MAST4: variants seen among roughly 807,000 people sequenced by gnomAD.
MAST4 encodes microtubule associated serine/threonine kinase family member 4.
A neutral mutation model predicts 162.7 loss-of-function variants in MAST4; 89 were observed. The observed-to-expected ratio is 0.55, with a 90% CI of 0.46 to 0.65. MAST4 has a LOEUF of 0.65. MAST4 is among the 30% of genes least tolerant of loss of function. The pLI, the probability that MAST4 is intolerant of heterozygous loss-of-function variation, is 0.00. For synonymous variants in MAST4, 1,479 were observed against 1,361.1 expected (o/e 1.09, Z -1.91); for missense variants, 3,153 against 3,374.0 (o/e 0.93, Z 1.62).
chr5:67,128,306 A>G (rs138071256), intron 14 of MAST4, among the ~76,000 whole-genome samples: 73 of 152,320 alleles, frequency 4.8e-4, no homozygotes, highest in African/African-American at 1.6e-3. Context: ...CATCCTGAAG[A>G]GTACCACCAG....
intron 1 of MAST4, among the ~76,000 whole-genome samples, chr5:66,634,298 A>T (rs113236094): frequency 6.6e-6 from 1 of 152,138 alleles, no homozygotes; most frequent in Non-Finnish European, 1.5e-5. Context: ...ACCTCAGGTG[A>T]TCCGCCTGCC....
At chr5:67,109,759 A>G (rs568945075) in intron 10 of MAST4, among the ~76,000 whole-genome samples, 2 of 152,330 alleles carry the variant, frequency 1.3e-5, no homozygotes, top group Admixed American at 1.3e-4. Flanking sequence ...GTTCTTGATC[A>G]GCTTCCCACT....
At chr5:66,990,825 CAGAT>C (rs1296496557) in intron 4 of MAST4, among the ~76,000 whole-genome samples, 14 of 152,024 alleles carry the variant, frequency 9.2e-5, no homozygotes, top group Non-Finnish European at 1.5e-4. Flanking sequence ...TGGAATCTGA[CAGAT>C]AGAGTACATG....
chr5:66,961,521 GA>G (rs747440529), intron 4 of MAST4, among the ~76,000 whole-genome samples: 8 of 152,200 alleles, frequency 5.3e-5, no homozygotes, highest in Non-Finnish European at 1.2e-4. Flanking sequence ...TCTTAGGTGT[GA>G]GACATCAAAT....
In MAST4 at chr5:67,164,937, C is replaced by T; in HGVS notation, c.5758C>T (p.Gln1920Ter). Reference sequence around the variant, plus strand: ...AACAGTCATGGAAAGCAATCCCCAACAGAGAGAGGGCAGCTCCCCTAAACA... The same window carrying T: ...AACAGTCATGGAAAGCAATCCCCAATAGAGAGAGGGCAGCTCCCCTAAACA... ...PGTVMESNPQ[Q>*]REGSSPKHQD... Residue 1920 changes from glutamine to a stop codon, truncating the protein, a stop_gained, in exon 29 of 29, where the codon CAG becomes TAG. Coordinates refer to ENST00000403625, the MANE Select transcript of MAST4 (RefSeq NM_001164664.2). LOFTEE classifies it low-confidence loss of function (END_TRUNC). This position sits in a 1 kb window ranked among gnomAD's most constrained non-coding sequence, Gnocchi z 5.3. 3 of 1,613,988 alleles carry T rather than the reference C, an allele frequency of 1.9e-6. No homozygotes were observed. The highest frequency in any genetic ancestry group is 2.5e-6 in the Non-Finnish European group (3 of 1,179,878).
intron 3 of MAST4, among the ~76,000 whole-genome samples, chr5:66,826,147 C>T (rs1757243035): frequency 6.6e-6 from 1 of 151,884 alleles, no homozygotes; most frequent in Admixed American, 6.6e-5. Flanking sequence ...ATTTTTGTCC[C>T]AAATGTTTTT....
intron 12 of MAST4, among the ~76,000 whole-genome samples, chr5:67,117,511 ATTTT>A (rs1368799713): frequency 6.6e-6 from 1 of 151,694 alleles, no homozygotes; most frequent in Non-Finnish European, 1.5e-5. Context: ...CTAAGAAATA[ATTTT>A]TTAATTATTT....
At chr5:66,981,975 T>G (rs554891817) in intron 4 of MAST4, among the ~76,000 whole-genome samples, 5 of 152,344 alleles carry the variant, frequency 3.3e-5, no homozygotes, top group Admixed American at 6.5e-5. Flanking sequence ...GATTTTTTAT[T>G]GTGTTTGAGG....
At chr5:67,046,151 C>G (rs912999791) in intron 4 of MAST4, among the ~76,000 whole-genome samples, 2 of 152,110 alleles carry the variant, frequency 1.3e-5, no homozygotes, top group African/African-American at 2.4e-5. Flanking sequence ...GCAGTAGGCT[C>G]TACCATCTAG....
At chr5:66,847,820 CAAAAAAAAA>C (rs777825639) in intron 3 of MAST4, among the ~76,000 whole-genome samples, 4 of 54,146 alleles carry the variant, frequency 7.4e-5, no homozygotes, top group South Asian at 1.4e-3. Flanking sequence ...GACTCCTTCT[CAAAAAAAAA>C]AAAAAAAAAA....
intron 4 of MAST4, among the ~76,000 whole-genome samples, chr5:66,900,785 C>T (rs556244712): frequency 6.6e-6 from 1 of 152,062 alleles, no homozygotes; most frequent in Non-Finnish European, 1.5e-5. Flanking sequence ...AAATATATGG[C>T]AACTGTTGAA....
rs200689112 is a variant in MAST4 at position 67,110,088 on chromosome 5, T to C, written c.1357-10T>C. 6.2e-6 allele frequency: 10 copies of C among 1,604,162 alleles called. No homozygotes were observed. The Admixed American group carries it at 1.5e-4, about 24-fold the overall frequency. On this transcript the variant is annotated splice_polypyrimidine_tract_variant and intron_variant, in intron 10 of 28. Transcript: ENST00000403625. The stretch of plus-strand genomic sequence containing the variant: ...TCTGCATCATCACTCTCTTTATTGC[T>C]TTTTCATAGGCTCATGATCGTTCAG...
chr5:66,888,456 T>C (rs906645233), intron 3 of MAST4, among the ~76,000 whole-genome samples: 4 of 152,192 alleles, frequency 2.6e-5, no homozygotes, highest in African/African-American at 7.2e-5. Context: ...AAGGTGTCTG[T>C]AGTAAATAAA....
At chr5:66,597,807 CCTT>C (rs1447023983) in intron 1 of MAST4, among the ~76,000 whole-genome samples, 3 of 152,128 alleles carry the variant, frequency 2.0e-5, no homozygotes, top group South Asian at 2.1e-4. Context: ...ACTCTGGTGT[CCTT>C]CTGGCTGCTC....
At chr5:66,727,635 G>A (rs965145092) in intron 1 of MAST4, among the ~76,000 whole-genome samples, 12 of 152,160 alleles carry the variant, frequency 7.9e-5, no homozygotes, top group Non-Finnish European at 1.2e-4. Context: ...CAGTTAAAGA[G>A]CTGCACACAA....
intron 4 of MAST4, among the ~76,000 whole-genome samples, chr5:67,048,898 C>T (rs1757698921): frequency 6.7e-6 from 1 of 149,860 alleles, no homozygotes; most frequent in Admixed American, 6.7e-5. Context: ...TTTCAAGTCT[C>T]TGTTTTTCCT....
chr5:66,917,756 T>G (rs1764216275), intron 4 of MAST4, among the ~76,000 whole-genome samples: 1 of 152,156 alleles, frequency 6.6e-6, no homozygotes, highest in Non-Finnish European at 1.5e-5. Context: ...TATCTGTCTG[T>G]TTCTGTGCCA....
At chr5:66,806,574 A>G (rs1373088668) in intron 3 of MAST4, among the ~76,000 whole-genome samples, 4 of 152,216 alleles carry the variant, frequency 2.6e-5, no homozygotes, top group Non-Finnish European at 5.9e-5. Flanking sequence ...TCTCAGGATC[A>G]TAGACCCACT....
At chr5:67,063,946 A>C (rs941174451) in intron 5 of MAST4, among the ~76,000 whole-genome samples, 1 of 152,208 alleles carries the variant, frequency 6.6e-6, no homozygotes, top group African/African-American at 2.4e-5. Context: ...AGAAACGAGA[A>C]AAATGAATCA....
Sources: gnomAD v4.1 joint callset for allele counts (sites outside exome capture counted in the v4.1 genomes callset) on GRCh38, gnomAD v4.1.1 for gene constraint, Gnocchi (gnomAD v3.1) non-coding constraint, MANE v1.5 for transcripts, NCBI Gene and HGNC (gene_info 2026-07-23, HGNC 2026-07-21) for gene names.